Variants in SGCZ observed in about 807,000 individuals in gnomAD.
SGCZ encodes sarcoglycan zeta.
A neutral mutation model predicts 41.3 loss-of-function variants in SGCZ; 40 were observed. The ratio of observed to expected loss-of-function variants is 0.97; its 90% CI spans 0.75 to 1.26. The LOEUF (loss-of-function observed/expected upper bound fraction) is 1.26, where lower values mean the gene tolerates loss of function less well. Ranked by LOEUF, SGCZ falls within the 50% of genes most tolerant of loss-of-function variation. SGCZ has a pLI of 0.00. For missense variants in SGCZ, 552 were observed against 369.8 expected (o/e 1.49, Z -4.04); for synonymous variants, 206 against 137.5 (o/e 1.50, Z -3.49).
chr8:14,849,533 C>T (rs1426987366), intron 1 of SGCZ, among the ~76,000 whole-genome samples: 1 of 151,982 alleles, frequency 6.6e-6, no homozygotes, highest in Non-Finnish European at 1.5e-5. Context: ...AATAATTAGC[C>T]AGACATTCCA....
intron 1 of SGCZ, among the ~76,000 whole-genome samples, chr8:14,958,269 A>G (rs933972209): frequency 6.6e-6 from 1 of 152,118 alleles, no homozygotes; most frequent in Non-Finnish European, 1.5e-5. Flanking sequence ...GAAAATATGT[A>G]TCCATAAAAA....
At chr8:14,414,377 A>C (rs1164364508) in intron 2 of SGCZ, among the ~76,000 whole-genome samples, 2 of 151,922 alleles carry the variant, frequency 1.3e-5, no homozygotes, top group Non-Finnish European at 2.9e-5. Flanking sequence ...TTGAGTGTGC[A>C]TAGGAACTCC....
At chr8:14,668,893 A>G (rs1365437690) in intron 1 of SGCZ, among the ~76,000 whole-genome samples, 1 of 151,090 alleles carries the variant, frequency 6.6e-6, no homozygotes, top group East Asian at 2.0e-4. Flanking sequence ...AAGCTAATTA[A>G]CAAATCTACC....
chr8:14,247,422 A>T (rs1021439125), intron 3 of SGCZ, among the ~76,000 whole-genome samples: 1 of 152,198 alleles, frequency 6.6e-6, no homozygotes, highest in Non-Finnish European at 1.5e-5. Flanking sequence ...CAGTCCATTT[A>T]CAGGGAATCT....
intron 3 of SGCZ, among the ~76,000 whole-genome samples, chr8:14,253,115 A>C (rs974525036): frequency 6.6e-6 from 1 of 152,136 alleles, no homozygotes; most frequent in African/African-American, 2.4e-5. Flanking sequence ...GAAGAAGTAA[A>C]TATAGAATAT....
chr8:15,113,141 C>T (rs1192903994), intron 1 of SGCZ, among the ~76,000 whole-genome samples: 1 of 147,930 alleles, frequency 6.8e-6, no homozygotes, highest in Non-Finnish European at 1.5e-5. Context: ...TCCAGGAGGT[C>T]GAGGATGCAG....
At chr8:14,200,481 C>A (rs747418234) in intron 4 of SGCZ, among the ~76,000 whole-genome samples, 40 of 152,054 alleles carry the variant, frequency 2.6e-4, no homozygotes, top group Admixed American at 5.9e-4. Context: ...ATGTACAGTG[C>A]AGTATTTTTA....
chr8:14,493,398 CATT>C (rs1230017021), intron 2 of SGCZ, among the ~76,000 whole-genome samples: 2 of 41,766 alleles, frequency 4.8e-5, no homozygotes, highest in East Asian at 1.7e-3. Context: ...GATGGAGTCT[CATT>C]GTGTTGCCAG....
chr8:14,759,345 CAA>C (rs5889548), intron 1 of SGCZ, among the ~76,000 whole-genome samples: 13 of 149,756 alleles, frequency 8.7e-5, no homozygotes, highest in East Asian at 2.0e-4. Flanking sequence ...TTAGCCTCAA[CAA>C]AAAAAAAAAT....
At chr8:14,448,707 G>A (rs1210969053) in intron 2 of SGCZ, among the ~76,000 whole-genome samples, 1 of 151,848 alleles carries the variant, frequency 6.6e-6, no homozygotes, top group Non-Finnish European at 1.5e-5. Context: ...AGTATGTTAG[G>A]TGCTGTTCCC....
intron 1 of SGCZ, among the ~76,000 whole-genome samples, chr8:15,171,143 T>C (rs1334543364): frequency 6.6e-6 from 1 of 152,208 alleles, no homozygotes; most frequent in Non-Finnish European, 1.5e-5. Flanking sequence ...GCTGACTTTC[T>C]AGACATAGAT....
intron 1 of SGCZ, among the ~76,000 whole-genome samples, chr8:14,620,016 A>C (rs1806230898): frequency 6.6e-6 from 1 of 152,242 alleles, no homozygotes. Flanking sequence ...AGTGGGAGGC[A>C]TCACACTACC....
intron 4 of SGCZ, among the ~76,000 whole-genome samples, chr8:14,219,173 G>A (rs1194961620): frequency 1.3e-5 from 2 of 152,188 alleles, no homozygotes; most frequent in Non-Finnish European, 1.5e-5. Context: ...GACAACCAGT[G>A]ATGACCAGCT....
At chr8:14,867,299 T>C (rs960009177) in intron 1 of SGCZ, among the ~76,000 whole-genome samples, 9 of 152,182 alleles carry the variant, frequency 5.9e-5, no homozygotes, top group African/African-American at 1.9e-4. Flanking sequence ...TTTTAAGAGC[T>C]GCATAGTATT....
chr8:14,385,863 C>A (rs1179921475), intron 2 of SGCZ, among the ~76,000 whole-genome samples: 1 of 152,086 alleles, frequency 6.6e-6, no homozygotes, highest in Non-Finnish European at 1.5e-5. Flanking sequence ...TCCAGAATAT[C>A]AAAATTCACA....
intron 1 of SGCZ, among the ~76,000 whole-genome samples, chr8:14,891,506 T>C (rs1805018678): frequency 6.6e-6 from 1 of 152,224 alleles, no homozygotes; most frequent in South Asian, 2.1e-4. Context: ...GATAATGAGT[T>C]ACTTCTTATG....
intron 2 of SGCZ, among the ~76,000 whole-genome samples, chr8:14,432,383 C>G (rs1799967295): frequency 6.6e-6 from 1 of 152,156 alleles, no homozygotes; most frequent in Admixed American, 6.5e-5. Context: ...TTGCAGTGAC[C>G]TCGATGAGAC....
chr8:14,582,637 T>A (rs1223523807), intron 1 of SGCZ, among the ~76,000 whole-genome samples: 1 of 148,470 alleles, frequency 6.7e-6, no homozygotes, highest in Non-Finnish European at 1.5e-5. Context: ...TAGGTATATC[T>A]CCTAATGCTA....
chr8:15,186,995 G>C (rs1800369539), intron 1 of SGCZ, among the ~76,000 whole-genome samples: 1 of 152,052 alleles, frequency 6.6e-6, no homozygotes, highest in Non-Finnish European at 1.5e-5. Flanking sequence ...ATTTGTTATA[G>C]TAGAAATCAC....
Sources: gnomAD v4.1 joint callset for allele counts (sites outside exome capture counted in the v4.1 genomes callset) on GRCh38, gnomAD v4.1.1 for gene constraint, MANE v1.5 for transcripts, NCBI Gene and HGNC (gene_info 2026-07-23, HGNC 2026-07-21) for gene names.